PSTPIP2: variants seen among roughly 807,000 people sequenced by gnomAD.
PSTPIP2 encodes the protein proline-serine-threonine phosphatase interacting protein 2.
In PSTPIP2, 33 loss-of-function variants were observed where a neutral mutation model predicts 63.3. That is an observed-to-expected ratio of 0.52 (90% CI 0.40 to 0.70). The LOEUF (loss-of-function observed/expected upper bound fraction) is 0.70, where lower values mean the gene tolerates loss of function less well. Among genes scored for constraint, PSTPIP2 ranks in the 30% least tolerant of loss-of-function variants. The pLI, the probability that PSTPIP2 is intolerant of heterozygous loss-of-function variation, is 0.00. For synonymous variants in PSTPIP2, 125 were observed against 132.7 expected (o/e 0.94, Z 0.40); for missense variants, 312 against 400.7 (o/e 0.78, Z 1.89).
chr18:46,030,205 C>T (rs1358947620), intron 2 of PSTPIP2, among the ~76,000 whole-genome samples: 1 of 152,182 alleles, frequency 6.6e-6, no homozygotes, highest in African/African-American at 2.4e-5. Context: ...TCTAAAGAGA[C>T]TATTTGAAGT....
intron 1 of PSTPIP2, among the ~76,000 whole-genome samples, chr18:46,062,393 C>A (rs1278547046): frequency 6.6e-6 from 1 of 152,166 alleles, no homozygotes; most frequent in East Asian, 1.9e-4. Context: ...GTAATCCCAG[C>A]ACTTTAGGAG....
rs1908132890 is a variant in PSTPIP2, at chr18:46,040,028, G to A, written c.53C>T (p.Thr18Ile). Residue 18 changes from threonine (T) to isoleucine (I), a missense_variant, in exon 2 of 15, where the codon ACC becomes ATC. Thr to Ile is a moderately conservative substitution (Grantham distance 89). Coordinates refer to ENST00000409746, the MANE Select transcript of PSTPIP2 (RefSeq NM_024430.4). ...GNFWSADILS[T>I]IGYDNIIQHL... The stretch of plus-strand genomic sequence containing the variant: ...TTGGATAATGTTGTCATAGCCGATG[G>A]TGCTGAGGATGTCTGCACTCTGGGG... The A allele has an allele frequency of 6.2e-7, 1 of 1,610,866 alleles. No homozygotes were observed. The highest frequency in any genetic ancestry group is 2.2e-5 in the East Asian group (1 of 44,842).
intron 1 of PSTPIP2, 125 bp downstream of exon 1, chr18:46,072,031 C>T (rs1909412270): frequency 7.9e-7 from 1 of 1,268,682 alleles, no homozygotes. Context: ...CGAGCTCCGC[C>T]AAGCCCCCGG....
intron 9 of PSTPIP2, among the ~76,000 whole-genome samples, chr18:45,997,157 C>T (rs1437533536): frequency 6.6e-6 from 1 of 152,086 alleles, no homozygotes; most frequent in Non-Finnish European, 1.5e-5. Context: ...CAGTTCCTTC[C>T]ATTCTTCACT....
chr18:46,042,026 AG>A (rs1908213586), intron 1 of PSTPIP2, among the ~76,000 whole-genome samples: 1 of 152,202 alleles, frequency 6.6e-6, no homozygotes, highest in East Asian at 1.9e-4. Context: ...CAGCAGTCCC[AG>A]AAAGACCCAG....
chr18:46,008,233 A>G (rs932589785), intron 5 of PSTPIP2, among the ~76,000 whole-genome samples: 10 of 152,208 alleles, frequency 6.6e-5, no homozygotes, highest in Non-Finnish European at 1.0e-4. Flanking sequence ...AGTGACCCCT[A>G]TAACCCTGAG....
chr18:46,025,268 C>T (rs1005052261), intron 2 of PSTPIP2, among the ~76,000 whole-genome samples: 1 of 152,112 alleles, frequency 6.6e-6, no homozygotes, highest in Non-Finnish European at 1.5e-5. Flanking sequence ...GTGATTTAGG[C>T]TCATCTACCC....
chr18:46,059,741 G>C (rs1433205927), intron 1 of PSTPIP2, among the ~76,000 whole-genome samples: 1 of 152,046 alleles, frequency 6.6e-6, no homozygotes, highest in Non-Finnish European at 1.5e-5. Context: ...ATAAAAATGA[G>C]GTCTAGGCTG....
intron 10 of PSTPIP2, 33 bp from the exon 11 acceptor site, chr18:45,992,235 T>C: frequency 1.3e-6 from 2 of 1,510,776 alleles, no homozygotes; most frequent in Non-Finnish European, 1.8e-6. Flanking sequence ...TAGGTAGAGG[T>C]ATGTTGAGAT....
At chr18:46,065,627 C>T (rs1331811692) in intron 1 of PSTPIP2, among the ~76,000 whole-genome samples, 3 of 152,120 alleles carry the variant, frequency 2.0e-5, no homozygotes, top group Non-Finnish European at 2.9e-5. Flanking sequence ...CCACCACGCC[C>T]GGCTAATTTT....
chr18:46,037,011 C>T lies in PSTPIP2; in HGVS notation c.134+2936G>A, dbSNP rs180697527. Among the ~76,000 whole-genome samples, 433 of 152,272 alleles carry T rather than the reference C, an allele frequency of 2.8e-3. 1 individual carries two copies. Among genetic ancestry groups the T allele is most frequent in the African/African-American group, 9.8e-3 (406 of 41,548 alleles). On this transcript the variant is annotated intron_variant, in intron 2 of 14. Coordinates refer to ENST00000409746, the MANE Select transcript of PSTPIP2 (RefSeq NM_024430.4). The stretch of plus-strand genomic sequence containing the variant: ...ACTCAAAATAATAAATAAGGTATAA[C>T]ATTGGACAAGAGGTGGTTGTTCAAA...
intron 13 of PSTPIP2, 78 bp downstream of exon 13, chr18:45,990,644 G>T: frequency 8.0e-7 from 1 of 1,250,334 alleles, no homozygotes. Flanking sequence ...TGACCAGGCT[G>T]GTCTCAAACT....
At chr18:46,063,645 A>T (rs1217237821) in intron 1 of PSTPIP2, among the ~76,000 whole-genome samples, 1 of 152,046 alleles carries the variant, frequency 6.6e-6, no homozygotes, top group Non-Finnish European at 1.5e-5. Context: ...ACACACGTGT[A>T]TATATACAAA....
intron 9 of PSTPIP2, among the ~76,000 whole-genome samples, chr18:45,997,253 A>C (rs2051606504): frequency 6.6e-6 from 1 of 152,122 alleles, no homozygotes; most frequent in South Asian, 2.1e-4. Context: ...CAATGGCACT[A>C]TCTTGGCTCA....
chr18:46,001,257 T>C (rs1039679699), intron 6 of PSTPIP2, among the ~76,000 whole-genome samples: 3 of 152,228 alleles, frequency 2.0e-5, no homozygotes. Context: ...TCAGCATTTG[T>C]TATTTTTTGT....
chr18:46,011,848 C>T (rs1468896245), intron 4 of PSTPIP2, among the ~76,000 whole-genome samples: 1 of 152,072 alleles, frequency 6.6e-6, no homozygotes, highest in Non-Finnish European at 1.5e-5. Flanking sequence ...GAAAACAAAT[C>T]AAAGCATGGC....
At chr18:46,054,663 A>ATTT (rs567708908) in intron 1 of PSTPIP2, among the ~76,000 whole-genome samples, 3 of 142,152 alleles carry the variant, frequency 2.1e-5, no homozygotes, top group African/African-American at 5.2e-5. Context: ...AAACCTACTA[A>ATTT]TTTTTTTTTT....
intron 1 of PSTPIP2, among the ~76,000 whole-genome samples, chr18:46,045,116 C>T (rs949777004): frequency 1.3e-5 from 2 of 152,174 alleles, no homozygotes; most frequent in Admixed American, 1.3e-4. Flanking sequence ...CCTCAGGGAT[C>T]TAGAACTAGA....
At chr18:46,041,234 T>C (rs1357153582) in intron 1 of PSTPIP2, among the ~76,000 whole-genome samples, 2 of 151,998 alleles carry the variant, frequency 1.3e-5, no homozygotes, top group African/African-American at 2.4e-5. Context: ...AAGGAATATA[T>C]ATATATGTTA....
Sources: allele counts gnomAD v4.1 joint callset (sites outside exome capture counted in the v4.1 genomes callset), GRCh38; gene constraint gnomAD v4.1.1; transcripts MANE v1.5; gene names NCBI Gene and HGNC (gene_info 2026-07-23, HGNC 2026-07-21).